Variants in UBE4B observed in about 807,000 individuals in gnomAD.
UBE4B encodes the protein ubiquitination factor E4B.
Under a neutral mutation model 148.1 loss-of-function variants are expected in UBE4B, and 27 were observed. That is an observed-to-expected ratio of 0.18 (90% confidence interval 0.13 to 0.25). The LOEUF (loss-of-function observed/expected upper bound fraction) is 0.25, where lower values mean the gene tolerates loss of function less well. Ranked by LOEUF, UBE4B falls within the 10% of genes least tolerant of loss-of-function variation. The pLI is 1.00. For missense variants in UBE4B, 1,170 were observed against 1,662.4 expected, an observed-to-expected ratio of 0.70 and a Z score of 5.15; for synonymous variants, 596 against 619.3, an observed-to-expected ratio of 0.96 and a Z score of 0.56.
At chr1:10,138,387 G>C (rs1462133894) in intron 17 of UBE4B, among the ~76,000 whole-genome samples, 1 of 151,954 alleles carries the variant, frequency 6.6e-6, no homozygotes, top group Non-Finnish European at 1.5e-5. Flanking sequence ...GTGAGCCCAT[G>C]CACCTGGCCC....
At chr1:10,049,378 T>C (rs1643982348) in intron 1 of UBE4B, among the ~76,000 whole-genome samples, 1 of 152,058 alleles carries the variant, frequency 6.6e-6, no homozygotes, top group Non-Finnish European at 1.5e-5. Flanking sequence ...GGGCAGTTAA[T>C]TCTGATGGGG....
chr1:10,149,891 A>G (rs1645942121), intron 20 of UBE4B, among the ~76,000 whole-genome samples: 1 of 152,176 alleles, frequency 6.6e-6, no homozygotes, highest in Admixed American at 6.6e-5. Flanking sequence ...ACTGTGGCTC[A>G]TGCTTGTAGT....
In UBE4B at chr1:10,180,956, G is replaced by A. The variant is rs941599004; in HGVS notation, c.*1000G>A. Reference sequence around the variant, plus strand: ...AGCAAAAGAGGGTGCAAGAATGTGGGAGTATGTCTGCCGGTTTCAACACAC... The same window carrying A: ...AGCAAAAGAGGGTGCAAGAATGTGGAAGTATGTCTGCCGGTTTCAACACAC... On this transcript the variant is annotated 3_prime_UTR_variant, in exon 28 of 28. Coordinates refer to ENST00000343090, the MANE Select transcript of UBE4B (RefSeq NM_001105562.3). 2 of 152,358 alleles carry A rather than the reference G, an allele frequency of 1.3e-5. No homozygotes were observed. The highest frequency in any genetic ancestry group is 4.8e-5 in the African/African-American group (2 of 41,358). The allele number at this position is 152,358 out of a possible 1,614,324, so 9.4% of individuals were successfully genotyped here.
At chr1:10,179,127 C>T in intron 26 of UBE4B, 1 of 482,532 alleles carries the variant, frequency 2.1e-6, no homozygotes, top group Non-Finnish European at 3.6e-6. Flanking sequence ...AGAATTCCAG[C>T]CTGCCGTCCT....
intron 1 of UBE4B, among the ~76,000 whole-genome samples, chr1:10,039,087 C>A (rs544672573): frequency 6.7e-6 from 1 of 149,706 alleles, no homozygotes; most frequent in African/African-American, 2.5e-5. Flanking sequence ...AAAACACACA[C>A]ACAGAAAAAC....
chr1:10,072,829 T>C (rs568406587), intron 2 of UBE4B: 16 of 194,960 alleles, frequency 8.2e-5, no homozygotes, highest in South Asian at 7.9e-4. Context: ...CTATCAAATA[T>C]AGTATTATTG....
At chr1:10,049,771 T>C (rs575015944) in intron 1 of UBE4B, among the ~76,000 whole-genome samples, 2 of 151,214 alleles carry the variant, frequency 1.3e-5, no homozygotes, top group Admixed American at 6.6e-5. Flanking sequence ...GCACCTGTGG[T>C]CCCAGCTACT....
At chr1:10,119,164 A>G (rs758486678) in intron 8 of UBE4B, among the ~76,000 whole-genome samples, 5 of 152,002 alleles carry the variant, frequency 3.3e-5, no homozygotes, top group Non-Finnish European at 7.4e-5. Flanking sequence ...TACAGGCGTG[A>G]GCCACCGTGC....
At chr1:10,073,848 C>T (rs558340225) in intron 2 of UBE4B, among the ~76,000 whole-genome samples, 2 of 151,944 alleles carry the variant, frequency 1.3e-5, no homozygotes, top group Admixed American at 6.6e-5. Flanking sequence ...CATACCTTCT[C>T]GAGTGTGCAG....
intron 10 of UBE4B, among the ~76,000 whole-genome samples, chr1:10,124,308 C>T (rs1211528087): frequency 2.0e-5 from 3 of 152,092 alleles, no homozygotes; most frequent in East Asian, 1.9e-4. Flanking sequence ...ATTATAGGAG[C>T]GTACCACCAT....
In UBE4B at chr1:10,145,078, A is replaced by G. The variant is rs759435590; in HGVS notation, c.2463+39A>G. The G allele has an allele frequency of 2.0e-6, 3 of 1,519,566 alleles. No individual in the cohort carries two copies. In the African/African-American group the frequency reaches 4.1e-5, roughly 21 times the overall value. 94.1% of individuals were successfully genotyped at this position (1,519,566 alleles called of 1,614,324 possible). ...AGTGGAATAATTATAGACCAGCCTC[A>G]TAGTGATAATTTTCCCAACAGAATA... On this transcript the variant is annotated intron_variant, in intron 18 of 27. Coordinates refer to ENST00000343090, the MANE Select transcript of UBE4B (RefSeq NM_001105562.3).
chr1:10,115,806 C>G (rs1355591571), intron 7 of UBE4B, among the ~76,000 whole-genome samples: 1 of 152,164 alleles, frequency 6.6e-6, no homozygotes, highest in Non-Finnish European at 1.5e-5. Flanking sequence ...GGCTACAAAC[C>G]TGTACTGCAT....
chr1:10,156,285 G>C (rs1428543890), intron 21 of UBE4B, among the ~76,000 whole-genome samples: 3 of 138,624 alleles, frequency 2.2e-5, no homozygotes, highest in African/African-American at 8.1e-5. Flanking sequence ...TGTCACCCAC[G>C]CTAGAGTGTA....
intron 15 of UBE4B, among the ~76,000 whole-genome samples, chr1:10,133,519 A>G (rs563207126): frequency 6.6e-5 from 10 of 152,362 alleles, no homozygotes; most frequent in African/African-American, 2.2e-4. Flanking sequence ...ACATTGTTAT[A>G]TTGCTAATGC....
At chr1:10,046,252 T>G (rs1328235595) in intron 1 of UBE4B, among the ~76,000 whole-genome samples, 1 of 152,218 alleles carries the variant, frequency 6.6e-6, no homozygotes, top group African/African-American at 2.4e-5. Flanking sequence ...GGCAGCCATG[T>G]GTTCAGCTAT....
intron 2 of UBE4B, among the ~76,000 whole-genome samples, chr1:10,090,285 C>T (rs941042805): frequency 2.0e-5 from 3 of 152,026 alleles, no homozygotes; most frequent in Admixed American, 6.6e-5. Flanking sequence ...ACGCTTGGCT[C>T]ATTTTTGTAT....
intron 20 of UBE4B, 66 bp from the exon 21 acceptor site, chr1:10,151,260 C>T: frequency 6.7e-7 from 1 of 1,481,742 alleles, no homozygotes; most frequent in South Asian, 1.2e-5. Context: ...CACCAGCCTT[C>T]ACCCAAGATG....
chr1:10,108,458 G>T (rs961275788), intron 7 of UBE4B, among the ~76,000 whole-genome samples: 1 of 152,172 alleles, frequency 6.6e-6, no homozygotes, highest in African/African-American at 2.4e-5. Flanking sequence ...TACTTGGGTT[G>T]TGTAGGTGAC....
intron 1 of UBE4B, among the ~76,000 whole-genome samples, chr1:10,036,210 T>C (rs1363282813): frequency 1.3e-5 from 2 of 152,026 alleles, no homozygotes; most frequent in Non-Finnish European, 2.9e-5. Flanking sequence ...TATTGTATAA[T>C]CTAAAATGTG....
Sources: gnomAD v4.1 joint callset for allele counts (sites outside exome capture counted in the v4.1 genomes callset) on GRCh38, gnomAD v4.1.1 for gene constraint, MANE v1.5 for transcripts, NCBI Gene and HGNC (gene_info 2026-07-23, HGNC 2026-07-21) for gene names.